The following HTR2C variants were observed in gnomAD, a reference collection of about 807,000 sequenced individuals.
HTR2C encodes 5-hydroxytryptamine (serotonin) receptor 2C, G protein-coupled.
HTR2C carries 5 observed loss-of-function variants against 21.0 expected under a neutral mutation model. The observed-to-expected ratio is 0.24, with a 90% CI of 0.12 to 0.50. The LOEUF (loss-of-function observed/expected upper bound fraction) is 0.50, where lower values mean the gene tolerates loss of function less well. Among genes scored for constraint, HTR2C ranks in the 20% least tolerant of loss-of-function variants. The probability of loss-of-function intolerance (pLI) is 0.98; values close to 1 mark genes in which losing one functional copy is unlikely to be tolerated. For synonymous variants in HTR2C, 150 were observed against 145.3 expected, an observed-to-expected ratio of 1.03 and a Z score of -0.23; for missense variants, 271 against 371.2, an observed-to-expected ratio of 0.73 and a Z score of 2.22.
At chrX:114,744,072 T>A (rs2069677427) in intron 4 of HTR2C, among the ~76,000 whole-genome samples, 1 of 110,569 alleles carries the variant, frequency 9.0e-6, no homozygotes. Flanking sequence ...AGAAGAGAAG[T>A]TGAGGTGCAG....
Position 114,599,787 on chromosome X carries a change from T to G in HTR2C, c.-146-14028T>G, listed in dbSNP as rs782062681. ...TACAATCACATTTTAAATAGTTAAC[T>G]TTCACTGAGGTGTGCACAAAGGAAT... On this transcript the variant is annotated intron_variant, in intron 1 of 5. Transcript: ENST00000276198. Among the ~76,000 whole-genome samples the G allele has an allele frequency of 6.2e-5, 7 of 112,399 alleles. No homozygotes were observed. The South Asian group carries it at 1.1e-3, about 17-fold the overall frequency.
intron 2 of HTR2C, among the ~76,000 whole-genome samples, chrX:114,724,393 T>G (rs1405389635): frequency 9.7e-6 from 1 of 103,145 alleles, no homozygotes; most frequent in African/African-American, 3.5e-5. Flanking sequence ...TCCTTTTATT[T>G]TGAGCCTATG....
chrX:114,854,811 C>T lies in HTR2C; in HGVS notation c.550+6608C>T, dbSNP rs1355521993. On this transcript the variant is annotated intron_variant, in intron 5 of 5. Coordinates refer to ENST00000276198, the MANE Select transcript of HTR2C (RefSeq NM_000868.4). ...CCTGCAGAATGGGAAAAAATATTTG[C>T]AAACTATACATCCAACAAGGGACTA... is the stretch of plus-strand genomic sequence containing the variant. Among the ~76,000 whole-genome samples the T allele has an allele frequency of 2.7e-5, 3 of 111,327 alleles. No individual in the cohort carries two copies. The Admixed American group carries it at 2.9e-4, about 11-fold the overall frequency.
chrX:114,714,721 C>T lies in HTR2C; in HGVS notation c.-79-12137C>T, dbSNP rs931320596. Among the ~76,000 whole-genome samples, 6 of 111,500 alleles carry T rather than the reference C, an allele frequency of 5.4e-5. No individual in the cohort carries two copies. The East Asian group carries it at 1.7e-3, about 32-fold the overall frequency. ...AATGTCAACAATTTAGCAAGAAAAC[C>T]CAATTCACAGCATTTCAGAGCAAAA... On this transcript the variant is annotated intron_variant, in intron 2 of 5. Transcript: ENST00000276198.
intron 2 of HTR2C, among the ~76,000 whole-genome samples, chrX:114,708,324 TATC>T (rs1556418703): frequency 8.9e-6 from 1 of 112,176 alleles, no homozygotes; most frequent in East Asian, 2.8e-4. Flanking sequence ...GTTACCCAAA[TATC>T]ATAGCTAAGA....
In HTR2C at chrX:114,843,615, A is replaced by G. The variant is rs76616464; in HGVS notation, c.350-4388A>G. On this transcript the variant is annotated intron_variant, in intron 4 of 5. Transcript: ENST00000276198. Reference sequence around the variant, plus strand: ...TCCAACTTTGAATAAAGACATGACTATAAATCCAGGAAGCTCAATGAACTC... The same window carrying G: ...TCCAACTTTGAATAAAGACATGACTGTAAATCCAGGAAGCTCAATGAACTC... Among the ~76,000 whole-genome samples the G allele has an allele frequency of 1.9e-4, 21 of 111,756 alleles. No homozygotes were observed. In the East Asian group the frequency reaches 5.9e-3, roughly 32 times the overall value.
intron 2 of HTR2C, among the ~76,000 whole-genome samples, chrX:114,634,190 G>A (rs978108039): frequency 3.7e-5 from 4 of 109,145 alleles, no homozygotes; most frequent in African/African-American, 1.3e-4. Context: ...TTATCTATAC[G>A]TTCTAACAGC....
At chrX:114,829,871 A>C (rs980491333) in intron 4 of HTR2C, among the ~76,000 whole-genome samples, 2 of 111,584 alleles carry the variant, frequency 1.8e-5, no homozygotes, top group African/African-American at 6.5e-5. Flanking sequence ...TTGTTTGATT[A>C]TAATAGCTTT....
chrX:114,630,013 G>A (rs2147816755), intron 2 of HTR2C, among the ~76,000 whole-genome samples: 1 of 110,890 alleles, frequency 9.0e-6, no homozygotes, highest in African/African-American at 3.3e-5. Flanking sequence ...TGCTTGAGGT[G>A]GCAGATTTTC....
intron 4 of HTR2C, chrX:114,774,810 A>T: frequency 2.3e-6 from 1 of 432,988 alleles, no homozygotes; most frequent in East Asian, 4.0e-5. Context: ...ACAATGCTAC[A>T]TCTATATTTA....
chrX:114,715,609 C>T (rs782745229), intron 2 of HTR2C, among the ~76,000 whole-genome samples: 63 of 111,849 alleles, frequency 5.6e-4, no homozygotes, highest in African/African-American at 2.0e-3. Flanking sequence ...TTGTCGTGTA[C>T]TTAACTCACC....
At chrX:114,847,474 TATA>T (rs1556467916) in intron 4 of HTR2C, among the ~76,000 whole-genome samples, 1 of 101,494 alleles carries the variant, frequency 9.9e-6, no homozygotes, top group Non-Finnish European at 2.0e-5. Context: ...CATTAGGATA[TATA>T]CCTAATGCTA....
chrX:114,646,880 C>T lies in HTR2C; in HGVS notation c.-80+32999C>T, dbSNP rs1398817158. The stretch of plus-strand genomic sequence containing the variant: ...GGTATAATTTCATTACACATTAATT[C>T]GCATTTCTCTGGTGATTAGAGATGA... On this transcript the variant is annotated intron_variant, in intron 2 of 5. Transcript: ENST00000276198. Among the ~76,000 whole-genome samples the T allele has an allele frequency of 9.8e-5, 11 of 111,714 alleles. No homozygotes were observed. In the East Asian group the frequency reaches 2.5e-3, roughly 26 times the overall value.
chrX:114,593,388 A>C (rs1556391665), intron 1 of HTR2C, among the ~76,000 whole-genome samples: 1 of 111,326 alleles, frequency 9.0e-6, no homozygotes, highest in African/African-American at 3.3e-5. Flanking sequence ...ATGCCACTGC[A>C]CCTGGCTTCT....
At chrX:114,749,854 C>T (rs1263326321) in intron 4 of HTR2C, among the ~76,000 whole-genome samples, 2 of 112,092 alleles carry the variant, frequency 1.8e-5, no homozygotes, top group Non-Finnish European at 3.8e-5. Flanking sequence ...CAAATTGCCC[C>T]TTACCATTAC....
At chrX:114,605,528 C>G (rs1194682678) in intron 1 of HTR2C, among the ~76,000 whole-genome samples, 1 of 111,116 alleles carries the variant, frequency 9.0e-6, no homozygotes, top group African/African-American at 3.3e-5. Flanking sequence ...AAAAGAATGC[C>G]TGGACGTCAG....
intron 2 of HTR2C, among the ~76,000 whole-genome samples, chrX:114,684,589 G>A (rs1365826777): frequency 9.0e-6 from 1 of 111,207 alleles, no homozygotes; most frequent in Non-Finnish European, 1.9e-5. Flanking sequence ...TTTCTTGAAA[G>A]GGGGAGATAT....
At chrX:114,758,763 A>G (rs1472823154) in intron 4 of HTR2C, among the ~76,000 whole-genome samples, 1 of 111,968 alleles carries the variant, frequency 8.9e-6, no homozygotes, top group East Asian at 2.8e-4. Context: ...CAAAATCAGT[A>G]CTGATACAGA....
chrX:114,775,067 G>T (rs1358550899), intron 4 of HTR2C: 1 of 493,357 alleles, frequency 2.0e-6, no homozygotes, highest in Non-Finnish European at 3.7e-6. Context: ...AGAATCTTCT[G>T]TTTGTCCTCA....
Sources: allele counts gnomAD v4.1 joint callset (sites outside exome capture counted in the v4.1 genomes callset), GRCh38; gene constraint gnomAD v4.1.1; transcripts MANE v1.5; gene names NCBI Gene and HGNC (gene_info 2026-07-23, HGNC 2026-07-21).